FSIP1: variants seen among roughly 807,000 people sequenced by gnomAD.
FSIP1 encodes fibrous sheath-interacting protein 1.
FSIP1 carries 65 observed loss-of-function variants against 60.9 expected under a neutral mutation model. The ratio of observed to expected loss-of-function variants is 1.07; its 90% CI spans 0.87 to 1.31. The LOEUF is 1.31. Among genes scored for constraint, FSIP1 ranks in the 40% most tolerant of loss-of-function variants. The probability of loss-of-function intolerance (pLI) is 0.00; values close to 1 mark genes in which losing one functional copy is unlikely to be tolerated. For synonymous variants in FSIP1, 209 were observed against 221.2 expected (o/e 0.94, Z 0.49); for missense variants, 675 against 665.5 (o/e 1.01, Z -0.16).
intron 10 of FSIP1, among the ~76,000 whole-genome samples, chr15:39,693,463 T>A (rs1894685072): frequency 6.6e-6 from 1 of 152,258 alleles, no homozygotes; most frequent in East Asian, 1.9e-4. Flanking sequence ...ACTGCTACAA[T>A]AAGTCTCTGC....
intron 7 of FSIP1, among the ~76,000 whole-genome samples, chr15:39,738,788 TGAA>T (rs1423264127): frequency 1.3e-5 from 2 of 152,220 alleles, no homozygotes; most frequent in Non-Finnish European, 2.9e-5. Context: ...GGAGGTTTCC[TGAA>T]GAAGATCATA....
intron 10 of FSIP1, among the ~76,000 whole-genome samples, chr15:39,690,801 G>C (rs1015960025): frequency 6.6e-6 from 1 of 152,188 alleles, no homozygotes; most frequent in Non-Finnish European, 1.5e-5. Context: ...CATATACACT[G>C]TCAAAGGATC....
chr15:39,658,614 T>C (rs547411905), intron 10 of FSIP1, among the ~76,000 whole-genome samples: 1 of 152,184 alleles, frequency 6.6e-6, no homozygotes, highest in Non-Finnish European at 1.5e-5. Context: ...TTCTCTATAA[T>C]TACAAAATAA....
At chr15:39,693,460 C>G (rs1894684957) in intron 10 of FSIP1, among the ~76,000 whole-genome samples, 1 of 152,244 alleles carries the variant, frequency 6.6e-6, no homozygotes, top group Admixed American at 6.5e-5. Context: ...TTGACTGCTA[C>G]AATAAGTCTC....
intron 10 of FSIP1, among the ~76,000 whole-genome samples, chr15:39,621,860 G>A (rs185985934): frequency 3.9e-5 from 6 of 152,224 alleles, no homozygotes; most frequent in East Asian, 3.9e-4. Context: ...ACTTCAACAC[G>A]ACCCATCTTT....
intron 7 of FSIP1, among the ~76,000 whole-genome samples, 193 bp from the exon 8 acceptor site, chr15:39,738,394 T>C (rs1595679890): frequency 6.6e-6 from 1 of 152,138 alleles, no homozygotes; most frequent in Non-Finnish European, 1.5e-5. Context: ...TATCCAAAGA[T>C]ATTATCCCTA....
chr15:39,728,075 A>T (rs1228626982), intron 8 of FSIP1, among the ~76,000 whole-genome samples: 1 of 152,204 alleles, frequency 6.6e-6, no homozygotes, highest in Non-Finnish European at 1.5e-5. Context: ...AATACAGCTA[A>T]CCAGGGAGGT....
Position 39,623,329 on chromosome 15 carries a change from A to T in FSIP1, c.1189-5084T>A, listed in dbSNP as rs113247018. 5.6e-3 allele frequency among the ~76,000 whole-genome samples: 854 copies of T among 152,342 alleles called. 6 individuals carry two copies. Among genetic ancestry groups the T allele is most frequent in the Non-Finnish European group, 8.7e-3 (591 of 68,030 alleles). On this transcript the variant is annotated intron_variant, in intron 10 of 11. Transcript: ENST00000350221. Reference sequence around the variant, plus strand: ...CTACCCATTATAAACCAGCAGAAGCAATCTTGTCCTTTGATGTAAGCTTAC... The same window carrying T: ...CTACCCATTATAAACCAGCAGAAGCTATCTTGTCCTTTGATGTAAGCTTAC...
At chr15:39,735,120 T>C (rs1404156900) in intron 8 of FSIP1, among the ~76,000 whole-genome samples, 1 of 152,208 alleles carries the variant, frequency 6.6e-6, no homozygotes, top group African/African-American at 2.4e-5. Context: ...GAAACCCAGA[T>C]CCCTTAATTC....
At chr15:39,662,719 GAAA>G (rs36116816) in intron 10 of FSIP1, among the ~76,000 whole-genome samples, 1 of 147,286 alleles carries the variant, frequency 6.8e-6, no homozygotes, top group Admixed American at 6.8e-5. Flanking sequence ...CTAAGTCACT[GAAA>G]AAAAAAAAAA....
intron 11 of FSIP1, among the ~76,000 whole-genome samples, chr15:39,613,904 C>T (rs1234911763): frequency 6.6e-6 from 1 of 151,976 alleles, no homozygotes; most frequent in Admixed American, 6.6e-5. Context: ...AATTCAACAC[C>T]ATTTCATGAT....
At chr15:39,691,445 G>C (rs1003972558) in intron 10 of FSIP1, among the ~76,000 whole-genome samples, 1 of 152,162 alleles carries the variant, frequency 6.6e-6, no homozygotes, top group African/African-American at 2.4e-5. Flanking sequence ...TCATCAAATG[G>C]AACACAGCAG....
chr15:39,683,503 G>A (rs1894246368), intron 10 of FSIP1, among the ~76,000 whole-genome samples: 1 of 151,924 alleles, frequency 6.6e-6, no homozygotes, highest in Admixed American at 6.6e-5. Flanking sequence ...TTCCCCCTAA[G>A]ACCAGAAACA....
chr15:39,741,957 T>A, intron 5 of FSIP1, 57 bp from the exon 6 acceptor site: 1 of 920,934 alleles, frequency 1.1e-6, no homozygotes, highest in Non-Finnish European at 1.8e-6. Flanking sequence ...AGTAGTTGTC[T>A]ACAAAATTGT....
At chr15:39,625,439 G>A (rs536834184) in intron 10 of FSIP1, among the ~76,000 whole-genome samples, 15 of 152,274 alleles carry the variant, frequency 9.9e-5, no homozygotes, top group South Asian at 6.2e-4. Context: ...GGAGGTGCTC[G>A]GCAGGAGAGC....
chr15:39,736,488 T>C (rs906309364), intron 8 of FSIP1, among the ~76,000 whole-genome samples: 15 of 152,212 alleles, frequency 9.9e-5, no homozygotes, highest in Non-Finnish European at 1.8e-4. Flanking sequence ...AGTTTAATGT[T>C]TCTCACAAAA....
chr15:39,762,173 C>G (rs1207110986), intron 5 of FSIP1, among the ~76,000 whole-genome samples: 1 of 152,208 alleles, frequency 6.6e-6, no homozygotes, highest in Non-Finnish European at 1.5e-5. Flanking sequence ...AACAATTTAT[C>G]ACAGGCTGGG....
intron 10 of FSIP1, among the ~76,000 whole-genome samples, chr15:39,647,405 CA>C (rs984759790): frequency 1.3e-5 from 2 of 150,494 alleles, no homozygotes; most frequent in Admixed American, 6.6e-5. Context: ...TTTTGGTGGT[CA>C]AAAAAAAGAG....
chr15:39,763,201 T>C lies in FSIP1; in HGVS notation c.559+620A>G, dbSNP rs376383417. ...AAAAGTAAATGATCTATGAATTTAA[T>C]ATAGGCCAGACTAGTATTTTTTGAT... On this transcript the variant is annotated intron_variant, in intron 5 of 11. Coordinates refer to ENST00000350221, the MANE Select transcript of FSIP1 (RefSeq NM_152597.5). 2.6e-5 allele frequency among the ~76,000 whole-genome samples: 4 copies of C among 152,346 alleles called. 1 individual carries two copies.
Sources: gnomAD v4.1 joint callset for allele counts (sites outside exome capture counted in the v4.1 genomes callset) on GRCh38, gnomAD v4.1.1 for gene constraint, MANE v1.5 for transcripts, NCBI Gene and HGNC (gene_info 2026-07-23, HGNC 2026-07-21) for gene names.